Variants in DLG2 observed in about 807,000 individuals in gnomAD.
The protein encoded by DLG2 is disks large homolog 2.
A neutral mutation model predicts 132.5 loss-of-function variants in DLG2; 45 were observed. The observed-to-expected ratio is 0.34, with a 90% CI of 0.27 to 0.44. The LOEUF is 0.44. Ranked by LOEUF, DLG2 falls within the 20% of genes least tolerant of loss-of-function variation. The pLI is 1.00. For missense variants in DLG2, 1,045 were observed against 1,196.9 expected, an observed-to-expected ratio of 0.87 and a Z score of 1.87; for synonymous variants, 424 against 419.6, an observed-to-expected ratio of 1.01 and a Z score of -0.13.
At chr11:83,927,427 T>C (rs2079182999) in intron 15 of DLG2, among the ~76,000 whole-genome samples, 1 of 152,196 alleles carries the variant, frequency 6.6e-6, no homozygotes, top group African/African-American at 2.4e-5. Context: ...CAATTTAAGC[T>C]TGGATCTAAG....
intron 5 of DLG2, among the ~76,000 whole-genome samples, chr11:85,139,986 G>A (rs1185926138): frequency 6.6e-6 from 1 of 151,972 alleles, no homozygotes; most frequent in Admixed American, 6.6e-5. Flanking sequence ...GTCATGGCAA[G>A]TGGAAAGATC....
Position 85,146,391 on chromosome 11 carries a change from T to C in DLG2, c.282+8165A>G, listed in dbSNP as rs61666377. ...TCTTATCCAAGGTCCATGGCTACTC[T>C]TTCCTGGCTGCTAGTGATGTTTCTT... On this transcript the variant is annotated intron_variant, in intron 5 of 27. Coordinates refer to ENST00000376104, the MANE Select transcript of DLG2 (RefSeq NM_001142699.3). 4.3e-3 allele frequency among the ~76,000 whole-genome samples: 660 copies of C among 152,238 alleles called. 13 individuals are homozygous for C. In the East Asian group the frequency reaches 0.063, roughly 15 times the overall value.
intron 3 of DLG2, among the ~76,000 whole-genome samples, chr11:85,291,307 C>G (rs925032285): frequency 1.3e-5 from 2 of 152,034 alleles, no homozygotes; most frequent in African/African-American, 4.8e-5. Flanking sequence ...CTAGAATGCC[C>G]AATGTGTAAC....
chr11:84,022,764 A>T (rs2095431758), intron 11 of DLG2, among the ~76,000 whole-genome samples: 1 of 152,172 alleles, frequency 6.6e-6, no homozygotes, highest in Admixed American at 6.6e-5. Flanking sequence ...GGTGGGAAGT[A>T]GACTGCAAAA....
intron 6 of DLG2, among the ~76,000 whole-genome samples, chr11:84,704,017 C>T (rs1291708418): frequency 2.0e-5 from 3 of 150,272 alleles, no homozygotes; most frequent in Admixed American, 2.0e-4. Context: ...GCAGCCAGTA[C>T]TTCTTAGCAT....
At chr11:83,693,317 T>A (rs182384234) in intron 18 of DLG2, among the ~76,000 whole-genome samples, 5 of 152,088 alleles carry the variant, frequency 3.3e-5, no homozygotes. Flanking sequence ...TGTTGAATAG[T>A]CACTGGACAG....
At position 83,759,526 on chromosome 11, in the gene DLG2, AT is replaced by A. The variant is rs376738901; in HGVS notation, c.1825+27163del. On this transcript the variant is annotated intron_variant, in intron 18 of 27. Transcript: ENST00000376104. ...CTTTGCTTTCCAGCTGTTTTTATTG[AT>A]TTTTTTTTCATTGTAGGACTTTAAT... Among the ~76,000 whole-genome samples, 103 of 151,312 alleles carry A rather than the reference AT, an allele frequency of 6.8e-4. No individual in the cohort carries two copies. In the East Asian group the frequency reaches 9.0e-3, roughly 13 times the overall value.
chr11:83,663,122 T>A (rs1394693919), intron 18 of DLG2, among the ~76,000 whole-genome samples: 2 of 152,222 alleles, frequency 1.3e-5, no homozygotes, highest in Non-Finnish European at 2.9e-5. Flanking sequence ...ACTAATTTAA[T>A]GTTCAATAAA....
chr11:85,161,597 C>T (rs759947261), intron 4 of DLG2, among the ~76,000 whole-genome samples: 10 of 152,350 alleles, frequency 6.6e-5, no homozygotes, highest in South Asian at 2.1e-4. Flanking sequence ...TGTGGACTCA[C>T]GGAATGCCTT....
intron 15 of DLG2, among the ~76,000 whole-genome samples, chr11:83,885,521 T>G (rs1231396249): frequency 6.6e-6 from 1 of 152,184 alleles, no homozygotes; most frequent in Non-Finnish European, 1.5e-5. Flanking sequence ...TGGAAAACAC[T>G]CTACAGGATA....
chr11:84,663,173 C>T (rs2099696410), intron 6 of DLG2, among the ~76,000 whole-genome samples: 1 of 151,900 alleles, frequency 6.6e-6, no homozygotes, highest in Admixed American at 6.6e-5. Flanking sequence ...TACATTTTCT[C>T]CATACAGAAA....
chr11:83,860,319 G>A (rs1364772505), intron 16 of DLG2, among the ~76,000 whole-genome samples: 5 of 152,160 alleles, frequency 3.3e-5, no homozygotes, highest in Admixed American at 6.5e-5. Flanking sequence ...GAGGGAGGCT[G>A]TACCCTGCAA....
intron 6 of DLG2, among the ~76,000 whole-genome samples, chr11:85,005,274 A>G (rs1054722083): frequency 2.0e-5 from 3 of 152,072 alleles, no homozygotes; most frequent in African/African-American, 7.2e-5. Context: ...AAAGTCGGTG[A>G]TAGCTTGATG....
chr11:84,920,252 C>G (rs2092692909), intron 6 of DLG2, among the ~76,000 whole-genome samples: 1 of 152,176 alleles, frequency 6.6e-6, no homozygotes, highest in African/African-American at 2.4e-5. Flanking sequence ...ATGTTCTAAC[C>G]ATTTCAAACT....
At chr11:84,364,770 A>C (rs897206513) in intron 7 of DLG2, among the ~76,000 whole-genome samples, 3 of 152,102 alleles carry the variant, frequency 2.0e-5, no homozygotes, top group Non-Finnish European at 4.4e-5. Context: ...TGAGATAATC[A>C]TGTGGTTTTT....
chr11:84,633,648 G>C (rs1332446980), intron 6 of DLG2, among the ~76,000 whole-genome samples: 1 of 151,812 alleles, frequency 6.6e-6, no homozygotes, highest in Non-Finnish European at 1.5e-5. Flanking sequence ...GGTAGGCTCT[G>C]TGTCTCATTC....
At chr11:84,461,402 TCTATA>T (rs2099079795) in intron 7 of DLG2, among the ~76,000 whole-genome samples, 1 of 150,974 alleles carries the variant, frequency 6.6e-6, no homozygotes. Context: ...CTATGTCTTT[TCTATA>T]TGCATGTCTT....
At chr11:84,324,646 A>G (rs2098421842) in intron 7 of DLG2, among the ~76,000 whole-genome samples, 1 of 152,078 alleles carries the variant, frequency 6.6e-6, no homozygotes, top group Non-Finnish European at 1.5e-5. Context: ...ACATTTTAAC[A>G]ATATTATCTT....
intron 8 of DLG2, among the ~76,000 whole-genome samples, chr11:84,202,795 G>A (rs2096613730): frequency 6.6e-6 from 1 of 152,072 alleles, no homozygotes; most frequent in Admixed American, 6.5e-5. Flanking sequence ...ATTAAAAAGT[G>A]GGCAAAGTAC....
Sources: allele counts gnomAD v4.1 joint callset (sites outside exome capture counted in the v4.1 genomes callset), GRCh38; gene constraint gnomAD v4.1.1; transcripts MANE v1.5; gene names NCBI Gene and HGNC (gene_info 2026-07-23, HGNC 2026-07-21).